Variants in ROBO2 observed in about 807,000 individuals in gnomAD.
ROBO2 encodes roundabout homolog 2.
A neutral mutation model predicts 160.8 loss-of-function variants in ROBO2; 53 were observed. The ratio of observed to expected loss-of-function variants is 0.33; its 90% CI spans 0.26 to 0.41. The LOEUF is 0.41. ROBO2 is among the 10% of genes least tolerant of loss of function. ROBO2 has a pLI of 1.00. For synonymous variants in ROBO2, 664 were observed against 611.7 expected (o/e 1.09, Z -1.26); for missense variants, 1,577 against 1,722.4 (o/e 0.92, Z 1.49).
chr3:77,005,166 A>G (rs937697698), intron 2 of ROBO2, among the ~76,000 whole-genome samples: 2 of 152,082 alleles, frequency 1.3e-5, no homozygotes, highest in Admixed American at 6.6e-5. Context: ...CCCCATTCAA[A>G]TGGCACCACC....
chr3:76,739,932 A>G (rs1371049827), intron 2 of ROBO2, among the ~76,000 whole-genome samples: 1 of 152,212 alleles, frequency 6.6e-6, no homozygotes, highest in Non-Finnish European at 1.5e-5. Context: ...TTTTTCTAAA[A>G]AAGTTATTAG....
intron 2 of ROBO2, among the ~76,000 whole-genome samples, chr3:76,234,632 C>T (rs139007160): frequency 3.0e-3 from 462 of 152,040 alleles, no homozygotes; most frequent in African/African-American, 0.011. Flanking sequence ...ATTTAATTAC[C>T]GATGGACATG....
At chr3:76,180,535 C>G (rs1402134813) in intron 2 of ROBO2, among the ~76,000 whole-genome samples, 2 of 152,152 alleles carry the variant, frequency 1.3e-5, no homozygotes, top group African/African-American at 2.4e-5. Flanking sequence ...TGAAGTCTCA[C>G]TTTTTCTCAC....
At chr3:76,373,020 A>G (rs1246058846) in intron 2 of ROBO2, among the ~76,000 whole-genome samples, 2 of 152,042 alleles carry the variant, frequency 1.3e-5, no homozygotes, top group African/African-American at 4.8e-5. Context: ...TGTGAGCATC[A>G]GCATGAGTTC....
chr3:76,527,583 A>G (rs1280469096), intron 2 of ROBO2, among the ~76,000 whole-genome samples: 2 of 152,162 alleles, frequency 1.3e-5, no homozygotes, highest in Non-Finnish European at 2.9e-5. Context: ...AAGCTTTGTG[A>G]GTGCCTACTA....
At chr3:76,573,694 T>C (rs2085098968) in intron 2 of ROBO2, among the ~76,000 whole-genome samples, 1 of 152,070 alleles carries the variant, frequency 6.6e-6, no homozygotes, top group African/African-American at 2.4e-5. Flanking sequence ...AGTTTTAAAA[T>C]CTTTGATGAG....
At chr3:77,477,640 T>C (rs2084178850) in intron 3 of ROBO2, 69 bp downstream of exon 3, 3 of 1,405,760 alleles carry the variant, frequency 2.1e-6, no homozygotes, top group Non-Finnish European at 3.0e-6. Flanking sequence ...ATAGATGTAT[T>C]TTATTCTTTA....
rs79503465 is a variant in ROBO2 at position 76,362,687 on chromosome 3, T to C, written c.109+425085T>C. Among the ~76,000 whole-genome samples the C allele has an allele frequency of 5.4e-3, 828 of 152,226 alleles. 10 individuals carry two copies. Among genetic ancestry groups the C allele is most frequent in the African/African-American group, 0.018 (734 of 41,576 alleles). On this transcript the variant is annotated intron_variant, in intron 2 of 26. Coordinates refer to the ROBO2 transcript ENST00000487694. ...CAAGAGGCACAGGGCAAAGAAACTT[T>C]TAGAAACACAGTTTTTAGGATCTGA... is the stretch of plus-strand genomic sequence containing the variant.
intron 2 of ROBO2, among the ~76,000 whole-genome samples, chr3:76,464,865 A>G (rs2078281012): frequency 6.6e-6 from 1 of 151,906 alleles, no homozygotes. Flanking sequence ...GTATCTTATG[A>G]CTCTCCTAGA....
At chr3:76,469,159 C>CA (rs1189144833) in intron 2 of ROBO2, among the ~76,000 whole-genome samples, 1 of 152,040 alleles carries the variant, frequency 6.6e-6, no homozygotes, top group East Asian at 1.9e-4. Context: ...CATATTACCT[C>CA]AAAATGTATT....
At chr3:76,756,720 G>A (rs895011337) in intron 2 of ROBO2, among the ~76,000 whole-genome samples, 14 of 151,742 alleles carry the variant, frequency 9.2e-5, no homozygotes, top group African/African-American at 3.4e-4. Context: ...ACCTAAGACC[G>A]CATGCTCTGT....
intron 2 of ROBO2, among the ~76,000 whole-genome samples, chr3:76,382,771 G>GA (rs1216578368): frequency 3.9e-5 from 6 of 152,182 alleles, no homozygotes; most frequent in Non-Finnish European, 7.3e-5. Flanking sequence ...AGAACATGGA[G>GA]AAAATGGGTT....
chr3:76,071,725 C>T (rs954454433), intron 2 of ROBO2, among the ~76,000 whole-genome samples: 1 of 151,972 alleles, frequency 6.6e-6, no homozygotes, highest in African/African-American at 2.4e-5. Context: ...AATTGGAAAA[C>T]ACCAGTAGTG....
At chr3:76,056,641 C>T (rs538244989) in intron 2 of ROBO2, among the ~76,000 whole-genome samples, 44 of 152,232 alleles carry the variant, frequency 2.9e-4, no homozygotes, top group South Asian at 2.7e-3. Context: ...CTTCAGAATA[C>T]TTAGCATACA....
intron 2 of ROBO2, among the ~76,000 whole-genome samples, chr3:77,424,136 G>C (rs1221727024): frequency 1.3e-5 from 2 of 152,088 alleles, no homozygotes; most frequent in African/African-American, 4.8e-5. Context: ...TTATATATGT[G>C]ACAATTTGCA....
At chr3:76,001,325 T>A (rs940301239) in intron 2 of ROBO2, among the ~76,000 whole-genome samples, 1 of 152,204 alleles carries the variant, frequency 6.6e-6, no homozygotes, top group Non-Finnish European at 1.5e-5. Context: ...CCAAGCTAAA[T>A]AGTCATTATC....
At chr3:77,452,689 T>C (rs1358665037) in intron 2 of ROBO2, among the ~76,000 whole-genome samples, 1 of 152,182 alleles carries the variant, frequency 6.6e-6, no homozygotes, top group Non-Finnish European at 1.5e-5. Context: ...TATTACTAGA[T>C]CCAGCTTACA....
chr3:77,327,179 A>G (rs761171100), intron 2 of ROBO2, among the ~76,000 whole-genome samples: 1 of 152,168 alleles, frequency 6.6e-6, no homozygotes, highest in African/African-American at 2.4e-5. Context: ...TGAACTCTCA[A>G]TGTAGCCGAA....
chr3:76,680,502 G>A (rs981003100), intron 2 of ROBO2, among the ~76,000 whole-genome samples: 1 of 152,000 alleles, frequency 6.6e-6, no homozygotes, highest in African/African-American at 2.4e-5. Context: ...TAGGAATGTA[G>A]ATGTAGACAA....
Sources: gnomAD v4.1 joint callset for allele counts (sites outside exome capture counted in the v4.1 genomes callset) on GRCh38, gnomAD v4.1.1 for gene constraint, MANE v1.5 for transcripts, NCBI Gene and HGNC (gene_info 2026-07-23, HGNC 2026-07-21) for gene names.